The following PLXDC2 variants were observed in gnomAD, a reference collection of about 807,000 sequenced individuals.
PLXDC2 encodes plexin domain containing 2, also known as plexin domain-containing protein 2.
In PLXDC2, 40 loss-of-function variants were observed where a neutral mutation model predicts 68.9. That is an observed-to-expected ratio of 0.58 (90% confidence interval 0.45 to 0.76). The LOEUF is 0.76. Among genes scored for constraint, PLXDC2 ranks in the 30% least tolerant of loss-of-function variants. The pLI is 0.00. For synonymous variants in PLXDC2, 243 were observed against 234.2 expected (o/e 1.04, Z -0.34); for missense variants, 644 against 661.9 (o/e 0.97, Z 0.30).
At chr10:19,867,475 G>C (rs1837443028) in intron 1 of PLXDC2, among the ~76,000 whole-genome samples, 1 of 152,180 alleles carries the variant, frequency 6.6e-6, no homozygotes, top group Non-Finnish European at 1.5e-5. Flanking sequence ...GGTATGTTCA[G>C]TTTCTATAAG....
intron 10 of PLXDC2, among the ~76,000 whole-genome samples, chr10:20,214,017 T>A (rs1315689518): frequency 2.6e-5 from 4 of 152,154 alleles, no homozygotes; most frequent in Non-Finnish European, 4.4e-5. Context: ...TCCCTTCATC[T>A]TGTTTAATAT....
At chr10:20,144,904 T>C (rs1409698261) in intron 5 of PLXDC2, among the ~76,000 whole-genome samples, 1 of 152,200 alleles carries the variant, frequency 6.6e-6, no homozygotes, top group Non-Finnish European at 1.5e-5. Flanking sequence ...TCATATATTT[T>C]CATATACCTT....
intron 1 of PLXDC2, among the ~76,000 whole-genome samples, chr10:19,838,525 G>A (rs1431599883): frequency 6.6e-6 from 1 of 152,136 alleles, no homozygotes. Context: ...AATTTATGAA[G>A]GTGTTGAAAT....
At chr10:19,898,652 A>T (rs1040447262) in intron 1 of PLXDC2, among the ~76,000 whole-genome samples, 6 of 152,216 alleles carry the variant, frequency 3.9e-5, no homozygotes, top group Non-Finnish European at 8.8e-5. Context: ...TCGGGGAAGC[A>T]GAAAATGAGG....
intron 13 of PLXDC2, among the ~76,000 whole-genome samples, chr10:20,247,659 A>G (rs1409791831): frequency 6.6e-6 from 1 of 152,130 alleles, no homozygotes; most frequent in Non-Finnish European, 1.5e-5. Context: ...TCTGGCATTC[A>G]TCTTTCTGTT....
chr10:20,247,153 A>T (rs1835607692), intron 13 of PLXDC2, among the ~76,000 whole-genome samples: 1 of 152,000 alleles, frequency 6.6e-6, no homozygotes, highest in African/African-American at 2.4e-5. Context: ...TGCTCATTCT[A>T]GTTCCTCCAT....
intron 4 of PLXDC2, among the ~76,000 whole-genome samples, chr10:20,081,456 A>T (rs1000365443): frequency 2.0e-5 from 3 of 152,284 alleles, no homozygotes; most frequent in Middle Eastern, 3.4e-3. Context: ...AACATCAGAG[A>T]CCAGTAGGAT....
intron 1 of PLXDC2, among the ~76,000 whole-genome samples, chr10:19,993,853 A>T (rs879385977): frequency 6.6e-6 from 1 of 152,192 alleles, no homozygotes; most frequent in African/African-American, 2.4e-5. Flanking sequence ...TCCTGCAATG[A>T]CTTCAAAGGC....
At chr10:19,952,090 C>G (rs1834001090) in intron 1 of PLXDC2, among the ~76,000 whole-genome samples, 1 of 152,124 alleles carries the variant, frequency 6.6e-6, no homozygotes, top group Non-Finnish European at 1.5e-5. Flanking sequence ...CAAATGGCAG[C>G]ATCATGCCAT....
chr10:20,272,610 G>A (rs2681942), intron 13 of PLXDC2, among the ~76,000 whole-genome samples: 76,040 of 151,966 alleles, frequency 0.5, 19,708 homozygotes, highest in Middle Eastern at 0.65. Context: ...AAAGCTATGT[G>A]TTCCCAAGTA....
At chr10:20,022,726 G>GA (rs773763403) in intron 2 of PLXDC2, among the ~76,000 whole-genome samples, 1 of 152,112 alleles carries the variant, frequency 6.6e-6, no homozygotes, top group East Asian at 1.9e-4. Context: ...AGGAGTTCCT[G>GA]AAGGCCCTGT....
At chr10:20,136,423 G>A (rs1262833796) in intron 4 of PLXDC2, among the ~76,000 whole-genome samples, 2 of 152,264 alleles carry the variant, frequency 1.3e-5, no homozygotes, top group East Asian at 1.9e-4. Flanking sequence ...TAGAACTCGT[G>A]CAAAACATAA....
intron 5 of PLXDC2, 114 bp downstream of exon 5, chr10:20,143,531 GC>G (rs1834034134): frequency 7.6e-7 from 1 of 1,319,318 alleles, no homozygotes; most frequent in East Asian, 2.4e-5. Flanking sequence ...ACTGCTTGAT[GC>G]AAATGGTCTG....
At chr10:20,026,726 C>A (rs1467273792) in intron 2 of PLXDC2, among the ~76,000 whole-genome samples, 1 of 151,530 alleles carries the variant, frequency 6.6e-6, no homozygotes, top group Non-Finnish European at 1.5e-5. Flanking sequence ...CAAATTTAAT[C>A]TTCCCCAAAC....
chr10:20,115,578 G>C (rs995692306), intron 4 of PLXDC2, among the ~76,000 whole-genome samples: 1 of 152,146 alleles, frequency 6.6e-6, no homozygotes, highest in Non-Finnish European at 1.5e-5. Context: ...AGAATTAATA[G>C]TCATACTTAC....
chr10:19,883,209 G>A (rs371855975), intron 1 of PLXDC2, among the ~76,000 whole-genome samples: 171 of 152,068 alleles, frequency 1.1e-3, no homozygotes, highest in African/African-American at 3.7e-3. Flanking sequence ...TGATCCGCCC[G>A]CCTTGGCCTC....
chr10:19,927,713 C>CAAAAAAAAAAAAAAAAAA lies in PLXDC2; in HGVS notation c.113-74054_113-74037dup, dbSNP rs35250324. ...GAGACTCCATCTCAAGGAAAAAAAG[C>CAAAAAAAAAAAAAAAAAA]AAAAAAAAAAAAAAAAAAAAAAAAA... On this transcript the variant is annotated intron_variant, in intron 1 of 13. Transcript: ENST00000377252. Among the ~76,000 whole-genome samples, 44 of 53,146 alleles carry CAAAAAAAAAAAAAAAAAA rather than the reference C, an allele frequency of 8.3e-4. 1 individual carries two copies. Among genetic ancestry groups the CAAAAAAAAAAAAAAAAAA allele is most frequent in the Admixed American group, 2.4e-3 (7 of 2,904 alleles). The allele number at this position is 53,146 out of a possible 152,430, so 34.9% of individuals were successfully genotyped here.
intron 1 of PLXDC2, among the ~76,000 whole-genome samples, chr10:19,981,076 G>C (rs1289084172): frequency 1.3e-5 from 2 of 152,012 alleles, no homozygotes; most frequent in Admixed American, 6.6e-5. Flanking sequence ...TGTTATTTTT[G>C]TTTCTCAGCT....
chr10:19,975,300 T>A (rs1001619928), intron 1 of PLXDC2, among the ~76,000 whole-genome samples: 1 of 151,106 alleles, frequency 6.6e-6, no homozygotes, highest in African/African-American at 2.4e-5. Context: ...TAAAAAAAAA[T>A]ACAAAAAATT....
Sources: allele counts gnomAD v4.1 joint callset (sites outside exome capture counted in the v4.1 genomes callset), GRCh38; gene constraint gnomAD v4.1.1; transcripts MANE v1.5; gene names NCBI Gene and HGNC (gene_info 2026-07-23, HGNC 2026-07-21).